The following EP300 variants were observed in gnomAD, a reference collection of about 807,000 sequenced individuals.
The protein encoded by EP300 is histone acetyltransferase p300.
A neutral mutation model predicts 264.0 loss-of-function variants in EP300; 31 were observed. The ratio of observed to expected loss-of-function variants is 0.12; its 90% CI spans 0.09 to 0.16. The LOEUF (loss-of-function observed/expected upper bound fraction) is 0.16, where lower values mean the gene tolerates loss of function less well. Among genes scored for constraint, EP300 ranks in the 10% least tolerant of loss-of-function variants. EP300 has a pLI of 1.00. For synonymous variants in EP300, 1,340 were observed against 1,045.4 expected (o/e 1.28, Z -5.44); for missense variants, 2,766 against 3,052.9 (o/e 0.91, Z 2.21).
intron 22 of EP300, 86 bp from the exon 23 acceptor site, chr22:41,166,511 TAG>T: frequency 1.9e-6 from 2 of 1,026,658 alleles, no homozygotes; most frequent in Non-Finnish European, 1.5e-6. Context: ...ATACTTCTGC[TAG>T]ATTGTCTTTT....
rs761520116 is a variant in EP300 at position 41,117,174 on chromosome 22, C to T, written c.95-13C>T. On this transcript the variant is annotated splice_polypyrimidine_tract_variant and intron_variant, in intron 1 of 30. Coordinates refer to ENST00000263253, the MANE Select transcript of EP300 (RefSeq NM_001429.4). ...GTCATACTTTGACCTTTGTCTTTTC[C>T]CTTTGCTTTTAGATTTTGGCTCTCT... The T allele has an allele frequency of 1.2e-6, 2 of 1,612,914 alleles. No homozygotes were observed. Among genetic ancestry groups the T allele is most frequent in the African/African-American group, 2.7e-5 (2 of 74,830 alleles).
rs2058890693 is a variant in EP300 at position 41,127,641 on chromosome 22, G to A, written c.1061G>A (p.Arg354Gln). 1.9e-6 allele frequency: 3 copies of A among 1,614,170 alleles called. No individual in the cohort carries two copies. The highest frequency in any genetic ancestry group is 2.5e-6 in the Non-Finnish European group (3 of 1,180,034). Residue 354 changes from arginine (R) to glutamine (Q), a missense_variant, in exon 4 of 31, where the codon CGG becomes CAG. Arg to Gln is a conservative substitution (Grantham distance 43). Coordinates refer to ENST00000263253, the MANE Select transcript of EP300 (RefSeq NM_001429.4). ...TTGCATGCTCACAAGTGCCAGCGCC[G>A]GGAACAGGCCAATGGGGAAGTGAGG... Reference protein sequence around the residue: ...LLLHAHKCQRREQANGEVRQC... With the variant: ...LLLHAHKCQRQEQANGEVRQC...
chr22:41,146,097 C>G (rs1215029517), intron 10 of EP300, among the ~76,000 whole-genome samples: 1 of 151,880 alleles, frequency 6.6e-6, no homozygotes, highest in Non-Finnish European at 1.5e-5. Context: ...CATGGAGATA[C>G]TCTGTTGCAT....
chr22:41,097,440 CTTT>C (rs2058708384), intron 1 of EP300, among the ~76,000 whole-genome samples: 1 of 151,870 alleles, frequency 6.6e-6, no homozygotes. Flanking sequence ...TCTCTCTCTT[CTTT>C]ATTTAATAAA....
intron 9 of EP300, 70 bp from the exon 10 acceptor site, chr22:41,140,974 GTTTA>G: frequency 7.1e-7 from 1 of 1,400,348 alleles, no homozygotes; most frequent in Non-Finnish European, 9.9e-7. Context: ...TCTATTCTCA[GTTTA>G]TTTTTTCTGT....
intron 29 of EP300, among the ~76,000 whole-genome samples, chr22:41,175,380 C>CA (rs2059194582): frequency 6.6e-6 from 1 of 152,208 alleles, no homozygotes; most frequent in African/African-American, 2.4e-5. Flanking sequence ...CATTTTATTA[C>CA]TTTAATAGGT....
At chr22:41,130,812 T>G (rs2058914624) in intron 5 of EP300, among the ~76,000 whole-genome samples, 1 of 152,114 alleles carries the variant, frequency 6.6e-6, no homozygotes, top group African/African-American at 2.4e-5. Flanking sequence ...AAGAGCTTTT[T>G]TTTTTTAAGA....
intron 9 of EP300, 152 bp from the exon 10 acceptor site, chr22:41,140,896 A>T (rs1601613259): frequency 1.4e-6 from 1 of 693,550 alleles, no homozygotes; most frequent in Admixed American, 2.7e-5. Context: ...CAGATTCTCT[A>T]CATAAGTTGA....
chr22:41,108,523 A>G (rs2058771096), intron 1 of EP300, among the ~76,000 whole-genome samples: 1 of 152,214 alleles, frequency 6.6e-6, no homozygotes, highest in Admixed American at 6.5e-5. Flanking sequence ...TGGTAGGATT[A>G]TAGGCGTGAG....
At position 41,160,923 on chromosome 22, in the gene EP300, G is replaced by C. The variant is rs571216501; in HGVS notation, c.3671+201G>C. ...CATTTCAACTGTTCAGTAGCTATCT[G>C]TGTCTGGTGGCTACCATATTGGTCA... On this transcript the variant is annotated intron_variant, in intron 20 of 30. Coordinates refer to ENST00000263253, the MANE Select transcript of EP300 (RefSeq NM_001429.4). Among the ~76,000 whole-genome samples the C allele has an allele frequency of 3.3e-5, 5 of 152,276 alleles. No homozygotes were observed. In the South Asian group the frequency reaches 1.0e-3, roughly 32 times the overall value.
intron 7 of EP300, among the ~76,000 whole-genome samples, chr22:41,136,301 G>A (rs1436069048): frequency 2.0e-5 from 3 of 152,226 alleles, no homozygotes; most frequent in Admixed American, 1.3e-4. Flanking sequence ...TGGGATTGCA[G>A]GCGTGAGCCA....
intron 5 of EP300, 131 bp from the exon 6 acceptor site, chr22:41,131,257 A>G: frequency 3.8e-6 from 4 of 1,045,468 alleles, no homozygotes; most frequent in Non-Finnish European, 5.8e-6. Context: ...AAATAATGGA[A>G]GACAAGATCC....
intron 2 of EP300, among the ~76,000 whole-genome samples, chr22:41,125,592 C>T (rs1030543198): frequency 7.2e-5 from 11 of 152,046 alleles, no homozygotes; most frequent in Non-Finnish European, 1.5e-4. Flanking sequence ...TCATGGCTCC[C>T]TACAACCTCT....
At chr22:41,154,966 T>G (rs779801143) in intron 16 of EP300, 29 bp from the exon 17 acceptor site, 2 of 1,453,412 alleles carry the variant, frequency 1.4e-6, no homozygotes, top group Non-Finnish European at 1.9e-6. Flanking sequence ...AATTGGTAAC[T>G]AATTTCAAAT....
intron 10 of EP300, among the ~76,000 whole-genome samples, chr22:41,146,017 T>G (rs1043824823): frequency 6.6e-6 from 1 of 152,180 alleles, no homozygotes; most frequent in African/African-American, 2.4e-5. Context: ...GTTCACAGTT[T>G]ATGTGCATAA....
At position 41,151,894 on chromosome 22, in the gene EP300, C is replaced by G; in HGVS notation, c.2879C>G (p.Thr960Arg). 1 of 1,614,104 alleles carries G rather than the reference C, an allele frequency of 6.2e-7. No homozygotes were observed. Among genetic ancestry groups the G allele is most frequent in the Non-Finnish European group, 8.5e-7 (1 of 1,180,014 alleles). The change falls in exon 15 of 31, where the codon ACA becomes AGA. Residue 960 changes from threonine to arginine, a missense_variant. Coordinates refer to ENST00000263253, the MANE Select transcript of EP300 (RefSeq NM_001429.4). ...TCAAATCCTCCATCTACTAGTAGCA[C>G]AGAAGTGAATTCTCAGGCCATTGCT... ...QVSNPPSTSS[T>R]EVNSQAIAEK... is the part of the protein sequence containing the mutation.
intron 2 of EP300, 113 bp downstream of exon 2, chr22:41,117,934 T>C (rs1601598677): frequency 1.3e-6 from 2 of 1,525,918 alleles, no homozygotes; most frequent in East Asian, 4.6e-5. Flanking sequence ...ACGCCAGGAA[T>C]TTACTGTGCT....
intron 22 of EP300, among the ~76,000 whole-genome samples, chr22:41,166,297 CTTAGGATTT>C (rs1320804455): frequency 6.6e-6 from 1 of 152,204 alleles, no homozygotes; most frequent in Non-Finnish European, 1.5e-5. Flanking sequence ...AATGTCACCT[CTTAGGATTT>C]TTCTCCCCTA....
intron 23 of EP300, 139 bp from the exon 24 acceptor site, chr22:41,168,310 T>C (rs2059151778): frequency 7.7e-6 from 7 of 913,346 alleles, no homozygotes; most frequent in Non-Finnish European, 1.2e-5. Flanking sequence ...AAGTAGTGAC[T>C]ACTTTGCTAT....
Sources: allele counts gnomAD v4.1 joint callset (sites outside exome capture counted in the v4.1 genomes callset), GRCh38; gene constraint gnomAD v4.1.1; transcripts MANE v1.5; gene names NCBI Gene and HGNC (gene_info 2026-07-23, HGNC 2026-07-21).